ATP6V1E2: variants seen among roughly 807,000 people sequenced by gnomAD.
ATP6V1E2 encodes the protein ATPase H+ transporting V1 subunit E2.
For missense variants in ATP6V1E2, 308 were observed against 273.3 expected (o/e 1.13, Z -0.90); for synonymous variants, 121 against 104.2 (o/e 1.16, Z -0.98).
intron 4 of ATP6V1E2, among the ~76,000 whole-genome samples, chr2:46,527,402 T>C (rs976034875): frequency 2.0e-5 from 3 of 152,164 alleles, no homozygotes; most frequent in African/African-American, 7.2e-5. Flanking sequence ...TTTGTATTTT[T>C]AGTAGAGACA....
In ATP6V1E2 at chr2:46,512,001, G is replaced by A. The variant is rs746476365; in HGVS notation, c.*30C>T. 4 of 1,528,380 alleles carry A rather than the reference G, an allele frequency of 2.6e-6. No individual in the cohort carries two copies. Among genetic ancestry groups the A allele is most frequent in the South Asian group, 1.3e-5 (1 of 75,986 alleles). 94.7% of individuals were successfully genotyped at this position (1,528,380 alleles called of 1,614,324 possible). A position where few individuals can be genotyped will look rare whatever the true frequency, so the allele number is the denominator to read the frequency against. ...AAAACTTAAACTTTTATGGTTTAGT[G>A]GTTCAACACTAGCTTCACTTCCCAG... On this transcript the variant is annotated 3_prime_UTR_variant, in exon 5 of 5. Coordinates refer to ENST00000522587, the MANE Select transcript of ATP6V1E2 (RefSeq NM_001318063.2).
intron 4 of ATP6V1E2, among the ~76,000 whole-genome samples, chr2:46,515,868 G>A (rs188073415): frequency 9.9e-5 from 15 of 152,236 alleles, no homozygotes; most frequent in African/African-American, 3.6e-4. Context: ...AACAAGAGAG[G>A]GCAGGGGTGG....
At chr2:46,542,195 A>ATG (rs755457924) in intron 1 of ATP6V1E2, 22 bp downstream of exon 1, 1 of 141,130 alleles carries the variant, frequency 7.1e-6, no homozygotes, top group African/African-American at 2.6e-5. Flanking sequence ...CGCGCCTTAA[A>ATG]TTTTTTTTTT....
rs1409767405 is a variant in ATP6V1E2, at chr2:46,519,382, T to A, written c.-101-6570A>T. On this transcript the variant is annotated intron_variant, in intron 4 of 4. Transcript: ENST00000522587. ...TGCACGTGAAGCCAAATCTGAAGGT[T>A]GTTTAATAAGAAACCAGCACAAGCA... The A allele has an allele frequency of 2.6e-5, 4 of 152,326 alleles. No homozygotes were observed. The East Asian group carries it at 7.7e-4, about 29-fold the overall frequency. The allele number at this position is 152,326 out of a possible 1,614,324, so 9.4% of individuals were successfully genotyped here.
intron 4 of ATP6V1E2, among the ~76,000 whole-genome samples, chr2:46,526,003 T>A (rs1666901128): frequency 6.6e-6 from 1 of 152,214 alleles, no homozygotes; most frequent in Admixed American, 6.5e-5. Flanking sequence ...TAAGATCTGA[T>A]TTTTTAGAGA....
chr2:46,521,233 G>A (rs905858860), intron 4 of ATP6V1E2, among the ~76,000 whole-genome samples: 1 of 152,192 alleles, frequency 6.6e-6, no homozygotes, highest in African/African-American at 2.4e-5. Flanking sequence ...TTTAGAGGAA[G>A]TGTGAGCTGG....
intron 4 of ATP6V1E2, among the ~76,000 whole-genome samples, chr2:46,514,617 A>G (rs776931688): frequency 1.3e-5 from 2 of 152,200 alleles, no homozygotes; most frequent in African/African-American, 2.4e-5. Context: ...GAGCAAAAAG[A>G]AAAGAAGAAT....
chr2:46,518,876 C>A (rs1666458410), intron 4 of ATP6V1E2: 1 of 151,466 alleles, frequency 6.6e-6, no homozygotes, highest in African/African-American at 2.4e-5. Context: ...TGAAAGCAGA[C>A]ATAGTACAAG....
intron 4 of ATP6V1E2, among the ~76,000 whole-genome samples, chr2:46,524,201 T>G (rs2103875737): frequency 6.6e-6 from 1 of 152,342 alleles, no homozygotes; most frequent in African/African-American, 2.4e-5. Context: ...CCTCTCTTCC[T>G]ATTTGAATAC....
chr2:46,520,224 T>C (rs904888010), intron 4 of ATP6V1E2, among the ~76,000 whole-genome samples: 10 of 152,170 alleles, frequency 6.6e-5, no homozygotes, highest in Non-Finnish European at 1.5e-4. Context: ...ATTGAGCAAG[T>C]CCCTCTGCAG....
At position 46,542,572 on chromosome 2, in the gene ATP6V1E2, G is replaced by C. The variant is rs1048626224; in HGVS notation, c.-729C>G. ...GCAGGGCCGCGCGGCGGCAGCAGGC[G>C]GGGGCGCGTGGCGCGGGCCGCGCTC... On this transcript the variant is annotated 5_prime_UTR_variant, in exon 1 of 5. Transcript: ENST00000522587. 8 of 147,232 alleles carry C rather than the reference G, an allele frequency of 5.4e-5. 1 individual carries two copies. Among genetic ancestry groups the C allele is most frequent in the African/African-American group, 2.0e-4 (8 of 40,954 alleles). The allele number at this position is 147,232 out of a possible 1,614,324, so 9.1% of individuals were successfully genotyped here.
At chr2:46,514,056 G>C (rs1455078385) in intron 4 of ATP6V1E2, among the ~76,000 whole-genome samples, 1 of 151,920 alleles carries the variant, frequency 6.6e-6, no homozygotes, top group African/African-American at 2.4e-5. Context: ...GAGGTGGGTG[G>C]ATCAACTGAG....
chr2:46,537,602 A>G (rs559779033), intron 2 of ATP6V1E2: 2 of 152,290 alleles, frequency 1.3e-5, no homozygotes, highest in East Asian at 1.9e-4. Context: ...AAAAAAAAAA[A>G]AAGAGTTCTG....
In ATP6V1E2 at chr2:46,523,873, G is replaced by GT. The variant is rs1276397825; in HGVS notation, c.-101-11062dup. ...TTCTTCCTATCCATGAGAATGGAAT[G>GT]TTTTTCCATTTGTTTGTGTCCTCTC... On this transcript the variant is annotated intron_variant, in intron 4 of 4. Coordinates refer to ENST00000522587, the MANE Select transcript of ATP6V1E2 (RefSeq NM_001318063.2). Among the ~76,000 whole-genome samples the GT allele has an allele frequency of 2.6e-5, 4 of 152,292 alleles. No individual in the cohort carries two copies. In the East Asian group the frequency reaches 7.7e-4, roughly 29 times the overall value.
At chr2:46,516,407 A>G (rs1687711660) in intron 4 of ATP6V1E2, among the ~76,000 whole-genome samples, 2 of 152,348 alleles carry the variant, frequency 1.3e-5, no homozygotes, top group South Asian at 4.1e-4. Flanking sequence ...GTGGAAATCA[A>G]GCAACACATT....
intron 4 of ATP6V1E2, among the ~76,000 whole-genome samples, chr2:46,517,091 G>A (rs560573089): frequency 1.3e-5 from 2 of 152,206 alleles, no homozygotes; most frequent in East Asian, 1.9e-4. Flanking sequence ...CATATACTAC[G>A]AAGTTAAAGT....
At chr2:46,512,877 GT>G in intron 4 of ATP6V1E2, 65 bp from the exon 5 acceptor site, 1 of 612,200 alleles carries the variant, frequency 1.6e-6, no homozygotes, top group South Asian at 2.2e-5. Context: ...TACAGAGACT[GT>G]ATATATACCC....
At chr2:46,520,586 C>T (rs1466955986) in intron 4 of ATP6V1E2, among the ~76,000 whole-genome samples, 4 of 152,256 alleles carry the variant, frequency 2.6e-5, no homozygotes, top group Admixed American at 1.3e-4. Context: ...ATGCTTCCCT[C>T]CACTTAATAA....
chr2:46,542,563 G>C lies in ATP6V1E2; in HGVS notation c.-720C>G, dbSNP rs994333458. 6.8e-6 allele frequency: 1 copy of C among 147,686 alleles called. No individual in the cohort carries two copies. The highest frequency in any genetic ancestry group is 1.5e-5 in the Non-Finnish European group (1 of 66,528). The allele number at this position is 147,686 out of a possible 1,614,324, so 9.1% of individuals were successfully genotyped here. A position where few individuals can be genotyped will look rare whatever the true frequency, so the allele number is the denominator to read the frequency against. On this transcript the variant is annotated 5_prime_UTR_variant, in exon 1 of 5. Coordinates refer to ENST00000522587, the MANE Select transcript of ATP6V1E2 (RefSeq NM_001318063.2). ...GGTGCGCCGGCAGGGCCGCGCGGCG[G>C]CAGCAGGCGGGGGCGCGTGGCGCGG...
Sources: allele counts gnomAD v4.1 joint callset (sites outside exome capture counted in the v4.1 genomes callset), GRCh38; gene constraint gnomAD v4.1.1; transcripts MANE v1.5; gene names NCBI Gene and HGNC (gene_info 2026-07-23, HGNC 2026-07-21).